Variants in ERC1 observed in about 807,000 individuals in gnomAD.
ERC1 encodes RAB6 interacting protein 2.
ERC1 carries 56 observed loss-of-function variants against 132.0 expected under a neutral mutation model. The ratio of observed to expected loss-of-function variants is 0.42; its 90% CI spans 0.34 to 0.53. ERC1 has a LOEUF of 0.53. ERC1 is among the 20% of genes least tolerant of loss of function. The pLI is 0.03. For synonymous variants in ERC1, 478 were observed against 476.1 expected, an observed-to-expected ratio of 1.00 and a Z score of -0.05; for missense variants, 1,202 against 1,349.9, an observed-to-expected ratio of 0.89 and a Z score of 1.72.
At chr12:1,095,083 AAGT>A (rs1450636571) in intron 3 of ERC1, among the ~76,000 whole-genome samples, 1 of 152,198 alleles carries the variant, frequency 6.6e-6, no homozygotes, top group African/African-American at 2.4e-5. Flanking sequence ...TCAGGTGTGC[AAGT>A]AAAAGTTGAC....
chr12:1,418,609 TTCTTTCTTTCTTTCTTTC>T (rs1565395485), intron 17 of ERC1, among the ~76,000 whole-genome samples: 4 of 99,042 alleles, frequency 4.0e-5, no homozygotes, highest in African/African-American at 2.4e-4. Flanking sequence ...CTTTCTTTCT[TTCTTTCTTTCTTTCTTTC>T]TTTCTTTCTT....
intron 17 of ERC1, chr12:1,443,672 C>G (rs139921899): frequency 1.3e-5 from 2 of 152,320 alleles, no homozygotes; most frequent in African/African-American, 2.4e-5. Context: ...TGGCCCCACT[C>G]TCTTCCTCAG....
At chr12:1,215,960 A>G (rs1326510315) in intron 12 of ERC1, among the ~76,000 whole-genome samples, 1 of 152,248 alleles carries the variant, frequency 6.6e-6, no homozygotes, top group African/African-American at 2.4e-5. Context: ...TGCATATGGA[A>G]TCTTTGTAAA....
Position 1,001,120 on chromosome 12 carries a change from T to G in ERC1, c.-157+9798T>G, listed in dbSNP as rs1053549705. ...TTTCACCATGTTGGCTAGGCTGGTC[T>G]CAAACTCCTGACCTCAGGTGATCTG... On this transcript the variant is annotated intron_variant, in intron 1 of 18. Coordinates refer to ENST00000360905, the MANE Select transcript of ERC1 (RefSeq NM_178040.4). Among the ~76,000 whole-genome samples, 26 of 152,230 alleles carry G rather than the reference T, an allele frequency of 1.7e-4. 1 individual carries two copies.
At chr12:1,179,551 A>G (rs1355209683) in intron 8 of ERC1, among the ~76,000 whole-genome samples, 1 of 121,476 alleles carries the variant, frequency 8.2e-6, no homozygotes, top group East Asian at 2.5e-4. Flanking sequence ...TCTGTCGCCC[A>G]GGCTGGAGTG....
At chr12:1,308,701 G>A (rs1281958765) in intron 15 of ERC1, among the ~76,000 whole-genome samples, 1 of 152,212 alleles carries the variant, frequency 6.6e-6, no homozygotes, top group East Asian at 1.9e-4. Flanking sequence ...CATCAAATGT[G>A]TGATTGTTGG....
At chr12:1,228,627 CT>C (rs2074785791) in intron 12 of ERC1, among the ~76,000 whole-genome samples, 1 of 152,138 alleles carries the variant, frequency 6.6e-6, no homozygotes. Context: ...AGGGGAAAAG[CT>C]TTCAACTTTT....
intron 3 of ERC1, among the ~76,000 whole-genome samples, chr12:1,092,006 T>C (rs1943291062): frequency 6.6e-6 from 1 of 151,576 alleles, no homozygotes; most frequent in African/African-American, 2.4e-5. Flanking sequence ...CAATTCTTTT[T>C]TTTTTTTTTT....
At chr12:1,369,608 A>G (rs1037953001) in intron 15 of ERC1, among the ~76,000 whole-genome samples, 7 of 152,202 alleles carry the variant, frequency 4.6e-5, no homozygotes, top group African/African-American at 1.4e-4. Context: ...AAGGGAACAG[A>G]TGACCGCAGT....
intron 12 of ERC1, among the ~76,000 whole-genome samples, chr12:1,226,695 T>C (rs2074602970): frequency 6.6e-6 from 1 of 152,162 alleles, no homozygotes; most frequent in African/African-American, 2.4e-5. Context: ...TGTTCTTGTT[T>C]CGAAACAGTC....
chr12:1,338,227 A>G lies in ERC1; in HGVS notation c.2781-33606A>G, dbSNP rs1035798269. Among the ~76,000 whole-genome samples the G allele has an allele frequency of 4.6e-5, 7 of 152,176 alleles. No homozygotes were observed. The East Asian group carries it at 1.2e-3, about 25-fold the overall frequency. ...ACCACATTTCTTGGAGGTTTTGTTT[A>G]TTCCTTTATACTCTCTTTTCTCTAT... is the stretch of plus-strand genomic sequence containing the variant. On this transcript the variant is annotated intron_variant, in intron 15 of 18. Coordinates refer to ENST00000360905, the MANE Select transcript of ERC1 (RefSeq NM_178040.4).
intron 15 of ERC1, among the ~76,000 whole-genome samples, chr12:1,347,482 T>A (rs1473280190): frequency 6.6e-6 from 1 of 152,232 alleles, no homozygotes; most frequent in East Asian, 1.9e-4. Context: ...TTCATGGTGA[T>A]AACACTTAAA....
At chr12:1,307,222 G>C (rs544551594) in intron 15 of ERC1, among the ~76,000 whole-genome samples, 1 of 152,302 alleles carries the variant, frequency 6.6e-6, no homozygotes, top group East Asian at 1.9e-4. Context: ...ATAAGTAAAA[G>C]AATAACTGAG....
intron 18 of ERC1, among the ~76,000 whole-genome samples, chr12:1,450,825 C>G (rs79647714): frequency 0.097 from 14,730 of 152,200 alleles, 2,402 homozygotes; most frequent in African/African-American, 0.33. Context: ...TGTAGTCTTT[C>G]GTGTGTTTTT....
At chr12:1,237,158 G>A (rs2075474561) in intron 13 of ERC1, among the ~76,000 whole-genome samples, 1 of 152,140 alleles carries the variant, frequency 6.6e-6, no homozygotes, top group Admixed American at 6.5e-5. Context: ...CACTTAATTG[G>A]TAAGTTCAAT....
chr12:1,382,049 A>G (rs1201714068), intron 16 of ERC1, among the ~76,000 whole-genome samples: 2 of 152,330 alleles, frequency 1.3e-5, no homozygotes, highest in East Asian at 1.9e-4. Context: ...TTCCCGTTCT[A>G]TAACCATTCC....
rs552659892 is a variant in ERC1 at position 1,014,659 on chromosome 12, G to T, written c.-156-13089G>T. Among the ~76,000 whole-genome samples, 4 of 152,136 alleles carry T rather than the reference G, an allele frequency of 2.6e-5. No individual in the cohort carries two copies. In the South Asian group the frequency reaches 8.3e-4, roughly 32 times the overall value. ...CTTTGTACACAAATGAGATTGCCTCGTAAGCATTCTTCTGTAACCTGGTTT... is the reference window on the plus strand; with the variant it reads ...CTTTGTACACAAATGAGATTGCCTCTTAAGCATTCTTCTGTAACCTGGTTT... On this transcript the variant is annotated intron_variant, in intron 1 of 18. Transcript: ENST00000360905.
At chr12:1,060,817 C>T (rs1937686320) in intron 2 of ERC1, among the ~76,000 whole-genome samples, 1 of 151,282 alleles carries the variant, frequency 6.6e-6, no homozygotes, top group South Asian at 2.1e-4. Flanking sequence ...GCTCTGCCTC[C>T]TGGGTTCACG....
chr12:1,351,617 G>C (rs909033277), intron 15 of ERC1, among the ~76,000 whole-genome samples: 20 of 152,126 alleles, frequency 1.3e-4, no homozygotes, highest in Non-Finnish European at 2.5e-4. Flanking sequence ...TGAGGTGTCT[G>C]TTAAGGTCTC....
Sources: allele counts gnomAD v4.1 joint callset (sites outside exome capture counted in the v4.1 genomes callset), GRCh38; gene constraint gnomAD v4.1.1; transcripts MANE v1.5; gene names NCBI Gene and HGNC (gene_info 2026-07-23, HGNC 2026-07-21).